Variants in TUT4 observed in about 807,000 individuals in gnomAD.
The protein encoded by TUT4 is terminal uridylyl transferase 4, also known as terminal uridylyltransferase 4.
TUT4 carries 36 observed loss-of-function variants against 192.2 expected under a neutral mutation model. That is an observed-to-expected ratio of 0.19 (90% CI 0.14 to 0.25). The LOEUF (loss-of-function observed/expected upper bound fraction) is 0.25, where lower values mean the gene tolerates loss of function less well. Ranked by LOEUF, TUT4 falls within the 10% of genes least tolerant of loss-of-function variation. TUT4 has a pLI of 1.00. For synonymous variants in TUT4, 618 were observed against 666.0 expected (o/e 0.93, Z 1.11); for missense variants, 1,493 against 1,957.2 (o/e 0.76, Z 4.47).
At chr1:52,502,209 A>C (rs575302251) in intron 4 of TUT4, among the ~76,000 whole-genome samples, 1 of 152,144 alleles carries the variant, frequency 6.6e-6, no homozygotes, top group East Asian at 1.9e-4. Context: ...ATGGAATATA[A>C]AGCATTTTGG....
chr1:52,499,510 A>AG (rs1673496990), intron 4 of TUT4, among the ~76,000 whole-genome samples: 1 of 151,692 alleles, frequency 6.6e-6, no homozygotes, highest in African/African-American at 2.4e-5. Context: ...CTGAGGTGGG[A>AG]GGATCACTTG....
intron 1 of TUT4, among the ~76,000 whole-genome samples, chr1:52,545,852 T>C (rs538618150): frequency 6.6e-6 from 1 of 151,496 alleles, no homozygotes; most frequent in East Asian, 1.9e-4. Context: ...CCAGGCGCGA[T>C]GGCTCATGCC....
At chr1:52,458,492 TC>T in intron 19 of TUT4, 43 bp from the exon 20 acceptor site, 1 of 1,444,052 alleles carries the variant, frequency 6.9e-7, no homozygotes, top group Non-Finnish European at 9.7e-7. Context: ...AGAGTCTTAC[TC>T]CATGCAGAAG....
chr1:52,507,751 C>T (rs1170396357), intron 4 of TUT4, among the ~76,000 whole-genome samples: 6 of 152,116 alleles, frequency 3.9e-5, no homozygotes, highest in African/African-American at 1.4e-4. Flanking sequence ...ATCCAAAATA[C>T]TTTGGTCCCA....
intron 15 of TUT4, among the ~76,000 whole-genome samples, chr1:52,466,327 T>A (rs1664116268): frequency 6.6e-6 from 1 of 152,012 alleles, no homozygotes; most frequent in Non-Finnish European, 1.5e-5. Context: ...GGTGAGACTT[T>A]GTCTTTACAA....
At chr1:52,442,149 C>G (rs1655798405) in intron 24 of TUT4, among the ~76,000 whole-genome samples, 1 of 122,642 alleles carries the variant, frequency 8.2e-6, no homozygotes, top group Non-Finnish European at 1.6e-5. Context: ...GCATGGGTGA[C>G]AGAGTGAGAC....
chr1:52,445,093 T>C (rs1233761635), intron 24 of TUT4, among the ~76,000 whole-genome samples: 2 of 151,694 alleles, frequency 1.3e-5, no homozygotes, highest in African/African-American at 4.8e-5. Context: ...TCCTATTAGC[T>C]CTGTCCCTCT....
chr1:52,497,792 T>A (rs1268004372), intron 4 of TUT4, among the ~76,000 whole-genome samples: 1 of 152,202 alleles, frequency 6.6e-6, no homozygotes, highest in Non-Finnish European at 1.5e-5. Flanking sequence ...AAAAGCTACA[T>A]AAAACACAGG....
At chr1:52,460,751 C>T (rs1361362056) in intron 19 of TUT4, among the ~76,000 whole-genome samples, 2 of 152,108 alleles carry the variant, frequency 1.3e-5, no homozygotes, top group Non-Finnish European at 2.9e-5. Context: ...ATAGGAGAAG[C>T]GTAAGGTATT....
Position 52,461,343 on chromosome 1 carries a change from T to A in TUT4, c.3232-120A>T, listed in dbSNP as rs1253925534. On this transcript the variant is annotated intron_variant, in intron 18 of 29. Coordinates refer to ENST00000257177, the MANE Select transcript of TUT4 (RefSeq NM_001009881.3). Reference sequence around the variant, plus strand: ...ATATAAATGTAAAATGTAAAACACCTATTAATGAGTCAAACAAAAACTGAC... The same window carrying A: ...ATATAAATGTAAAATGTAAAACACCAATTAATGAGTCAAACAAAAACTGAC... The A allele has an allele frequency of 2.7e-6, 3 of 1,117,808 alleles. No individual in the cohort carries two copies. In the African/African-American group the frequency reaches 4.7e-5, roughly 18 times the overall value. 69.2% of individuals were successfully genotyped at this position (1,117,808 alleles called of 1,614,324 possible).
At chr1:52,433,705 C>T (rs900109949) in intron 27 of TUT4, 1 of 152,272 alleles carries the variant, frequency 6.6e-6, no homozygotes, top group South Asian at 2.1e-4. Context: ...TGAGGGTTCG[C>T]GTTCTGATTC....
At chr1:52,509,755 G>C (rs771373410) in intron 3 of TUT4, 43 bp from the exon 4 acceptor site, 16 of 1,139,724 alleles carry the variant, frequency 1.4e-5, no homozygotes, top group Non-Finnish European at 2.1e-5. Flanking sequence ...TCAGAAAACA[G>C]AGGAGTAAAC....
intron 9 of TUT4, among the ~76,000 whole-genome samples, chr1:52,482,306 T>C (rs1668678975): frequency 1.3e-5 from 2 of 152,216 alleles, no homozygotes; most frequent in Admixed American, 1.3e-4. Context: ...ATTTCCTATA[T>C]AGGTATAGGG....
At chr1:52,444,271 A>G (rs1656683906) in intron 24 of TUT4, among the ~76,000 whole-genome samples, 1 of 152,318 alleles carries the variant, frequency 6.6e-6, no homozygotes, top group African/African-American at 2.4e-5. Flanking sequence ...TCCTTTTTTC[A>G]GTAATTTCGT....
In TUT4 at chr1:52,461,743, T is replaced by C. The variant is rs186543928; in HGVS notation, c.3096A>G (p.Glu1032=). 3,283 of 1,439,484 alleles carry C rather than the reference T, an allele frequency of 2.3e-3. 62 individuals carry two copies. The African/African-American group carries it at 0.043, about 19-fold the overall frequency. 89.2% of individuals were successfully genotyped at this position (1,439,484 alleles called of 1,614,324 possible). A position where few individuals can be genotyped will look rare whatever the true frequency, so the allele number is the denominator to read the frequency against. Residue 1032 remains glutamate, a synonymous_variant, in exon 17 of 30, where the codon GAA becomes GAG. Transcript: ENST00000257177. ...GTCTCTTAAGAATTTTTGCCAAATT[T>C]TCAATTATTTCCTTACAATTTAATT... The part of the protein sequence containing the change: ...AEKLNCKEII[E]NLAKILKRHP...
intron 1 of TUT4, among the ~76,000 whole-genome samples, chr1:52,548,358 A>G (rs185830968): frequency 4.6e-5 from 7 of 152,338 alleles, no homozygotes; most frequent in African/African-American, 9.6e-5. Flanking sequence ...GTCATTCTCT[A>G]TAATTCATAC....
intron 20 of TUT4, among the ~76,000 whole-genome samples, chr1:52,453,803 C>G (rs1660112916): frequency 6.6e-6 from 1 of 152,162 alleles, no homozygotes; most frequent in South Asian, 2.1e-4. Flanking sequence ...AGAAATAAAA[C>G]TGTTCACATA....
intron 19 of TUT4, 35 bp from the exon 20 acceptor site, chr1:52,458,484 A>T: frequency 6.7e-7 from 1 of 1,490,054 alleles, no homozygotes; most frequent in Non-Finnish European, 9.3e-7. Flanking sequence ...AAAACTTCAG[A>T]GTCTTACTCC....
At chr1:52,477,108 C>T (rs898977119) in intron 12 of TUT4, among the ~76,000 whole-genome samples, 1 of 152,072 alleles carries the variant, frequency 6.6e-6, no homozygotes, top group African/African-American at 2.4e-5. Context: ...TCAAAAAGAT[C>T]TTATATTATT....
Sources: gnomAD v4.1 joint callset for allele counts (sites outside exome capture counted in the v4.1 genomes callset) on GRCh38, gnomAD v4.1.1 for gene constraint, MANE v1.5 for transcripts, NCBI Gene and HGNC (gene_info 2026-07-23, HGNC 2026-07-21) for gene names.